CD8B2: variants seen among roughly 807,000 people sequenced by gnomAD.
The protein encoded by CD8B2 is CD8B family member 2, also known as T-cell surface glycoprotein CD8 beta-2 chain.
In CD8B2, 11 loss-of-function variants were observed where a neutral mutation model predicts 23.7. The observed-to-expected ratio is 0.46, with a 90% confidence interval of 0.29 to 0.77. The LOEUF (loss-of-function observed/expected upper bound fraction) is 0.77, where lower values mean the gene tolerates loss of function less well. Among genes scored for constraint, CD8B2 ranks in the 30% least tolerant of loss-of-function variants. The probability of loss-of-function intolerance (pLI) is 0.09; values close to 1 mark genes in which losing one functional copy is unlikely to be tolerated. For synonymous variants in CD8B2, 90 were observed against 109.3 expected, an observed-to-expected ratio of 0.82 and a Z score of 1.10; for missense variants, 197 against 270.5, an observed-to-expected ratio of 0.73 and a Z score of 1.91.
chr2:106,511,681 G>T (rs2104563602), downstream of CD8B2, among the ~76,000 whole-genome samples: 1 of 152,246 alleles, frequency 6.6e-6, no homozygotes, highest in East Asian at 1.9e-4. Context: ...CCCAGTCAAA[G>T]GGAAAGACAG....
intron 5 of CD8B2, among the ~76,000 whole-genome samples, chr2:106,539,759 G>A (rs1011387093): frequency 1.1e-4 from 17 of 152,114 alleles, no homozygotes; most frequent in Non-Finnish European, 1.9e-4. Flanking sequence ...TGGAAACCAA[G>A]CCTCCTTTGG....
At chr2:106,538,247 G>A (rs1284926556) in intron 5 of CD8B2, among the ~76,000 whole-genome samples, 3 of 152,166 alleles carry the variant, frequency 2.0e-5, no homozygotes, top group Non-Finnish European at 4.4e-5. Flanking sequence ...TATAGGCAGG[G>A]TGGTCAACTC....
intron 5 of CD8B2, among the ~76,000 whole-genome samples, chr2:106,543,643 G>A (rs1247297203): frequency 2.0e-5 from 3 of 152,100 alleles, no homozygotes; most frequent in African/African-American, 7.2e-5. Flanking sequence ...GCGAGACTCT[G>A]TCTCAATATA....
chr2:106,538,772 T>TC, intron 5 of CD8B2, among the ~76,000 whole-genome samples: 1 of 152,186 alleles, frequency 6.6e-6, no homozygotes, highest in Middle Eastern at 3.4e-3. Context: ...CTTGGACCCC[T>TC]CCCTCTTCAT....
chr2:106,523,337 A>G (rs1679857552), intron 5 of CD8B2, among the ~76,000 whole-genome samples: 1 of 152,186 alleles, frequency 6.6e-6, no homozygotes, highest in African/African-American at 2.4e-5. Context: ...CAAGTAGACA[A>G]AGCCCAACCA....
chr2:106,544,023 C>T, exon 6 of CD8B2: 1 of 398,620 alleles, frequency 2.5e-6, no homozygotes, highest in Non-Finnish European at 4.4e-6. Flanking sequence ...TTCACATTTC[C>T]CCATGGATGC....
chr2:106,534,414 ACAC>A (rs566991499), intron 5 of CD8B2, among the ~76,000 whole-genome samples: 268 of 152,288 alleles, frequency 1.8e-3, no homozygotes, highest in African/African-American at 6.1e-3. Context: ...AACAACAACA[ACAC>A]AACAACAACA....
At chr2:106,487,702 A>C (rs947133069) in intron 1 of CD8B2, among the ~76,000 whole-genome samples, 3 of 152,272 alleles carry the variant, frequency 2.0e-5, no homozygotes, top group African/African-American at 4.8e-5. Flanking sequence ...ACCTCCCCTC[A>C]AAAGCCTGGA....
At chr2:106,497,733 A>C (rs1390501909) in intron 3 of CD8B2, among the ~76,000 whole-genome samples, 1 of 152,216 alleles carries the variant, frequency 6.6e-6, no homozygotes, top group Non-Finnish European at 1.5e-5. Flanking sequence ...AATGTACAGA[A>C]GAGTAAAGTC....
intron 4 of CD8B2, 97 bp from the exon 5 acceptor site, chr2:106,504,192 G>C: frequency 6.6e-7 from 1 of 1,520,678 alleles, no homozygotes; most frequent in Non-Finnish European, 8.9e-7. Context: ...GTGGGCTGAG[G>C]TGTCAGCTGC....
intron 2 of CD8B2, among the ~76,000 whole-genome samples, chr2:106,493,471 T>G (rs894530941): frequency 2.6e-5 from 4 of 152,086 alleles, no homozygotes; most frequent in Admixed American, 2.6e-4. Context: ...CCCAAAGAGT[T>G]GGCTCCCCTC....
chr2:106,504,469 C>T, intron 5 of CD8B2, 144 bp downstream of exon 5: 1 of 1,515,394 alleles, frequency 6.6e-7, no homozygotes, highest in Non-Finnish European at 8.9e-7. Flanking sequence ...CACCTGTAGT[C>T]ACAGCTACTC....
chr2:106,520,006 C>T (rs1386078124), intron 5 of CD8B2, among the ~76,000 whole-genome samples: 1 of 152,180 alleles, frequency 6.6e-6, no homozygotes, highest in Non-Finnish European at 1.5e-5. Context: ...GCCCTGCCTA[C>T]ACCCGCTGGG....
At chr2:106,491,866 T>C (rs943179302) in intron 2 of CD8B2, among the ~76,000 whole-genome samples, 1 of 152,114 alleles carries the variant, frequency 6.6e-6, no homozygotes, top group Non-Finnish European at 1.5e-5. Context: ...ATTCTTCTTA[T>C]GGGGACAGGG....
At chr2:106,516,897 AT>A (rs1022324585) in intron 5 of CD8B2, among the ~76,000 whole-genome samples, 4 of 148,738 alleles carry the variant, frequency 2.7e-5, no homozygotes, top group Non-Finnish European at 4.5e-5. Context: ...CATTATTCAT[AT>A]TTTTATTATA....
chr2:106,526,530 T>C (rs746549459), intron 5 of CD8B2, among the ~76,000 whole-genome samples: 4 of 152,256 alleles, frequency 2.6e-5, no homozygotes, highest in South Asian at 2.1e-4. Context: ...TGGACTTCAG[T>C]GACTGGCTTC....
At chr2:106,499,460 AGGT>A (rs1679360248) in intron 3 of CD8B2, among the ~76,000 whole-genome samples, 1 of 142,520 alleles carries the variant, frequency 7.0e-6, no homozygotes, top group African/African-American at 2.6e-5. Context: ...TGAACCCAGG[AGGT>A]GGAGGTTGTG....
chr2:106,523,447 G>C (rs1036001732), intron 5 of CD8B2, among the ~76,000 whole-genome samples: 1 of 152,180 alleles, frequency 6.6e-6, no homozygotes, highest in African/African-American at 2.4e-5. Context: ...AGGCAGAGGA[G>C]TGGAAAGCCT....
intron 4 of CD8B2, among the ~76,000 whole-genome samples, chr2:106,503,983 A>G (rs1480174791): frequency 2.0e-5 from 3 of 152,194 alleles, no homozygotes; most frequent in Non-Finnish European, 2.9e-5. Context: ...GCAGCTGATT[A>G]ATTGAGTTTG....
Sources: allele counts gnomAD v4.1 joint callset (sites outside exome capture counted in the v4.1 genomes callset), GRCh38; gene constraint gnomAD v4.1.1; transcripts MANE v1.5; gene names NCBI Gene and HGNC (gene_info 2026-07-23, HGNC 2026-07-21).